The following ARHGEF18 variants were observed in gnomAD, a reference collection of about 807,000 sequenced individuals.
The protein encoded by ARHGEF18 is rho guanine nucleotide exchange factor 18.
Under a neutral mutation model 155.7 loss-of-function variants are expected in ARHGEF18, and 93 were observed. That is an observed-to-expected ratio of 0.60 (90% CI 0.50 to 0.71). The LOEUF (loss-of-function observed/expected upper bound fraction) is 0.71. ARHGEF18 is among the 30% of genes least tolerant of loss of function. The pLI is 0.00. For synonymous variants in ARHGEF18, 742 were observed against 753.1 expected (o/e 0.99, Z 0.24); for missense variants, 1,593 against 1,816.1 (o/e 0.88, Z 2.23).
chr19:7,441,494 T>C (rs1974640214), intron 11 of ARHGEF18, among the ~76,000 whole-genome samples, 159 bp from the exon 12 acceptor site: 1 of 152,170 alleles, frequency 6.6e-6, no homozygotes, highest in East Asian at 1.9e-4. Context: ...TCCCAATTTT[T>C]AAAAATGATC....
chr19:7,466,504 C>CA (rs34455146), intron 23 of ARHGEF18, among the ~76,000 whole-genome samples: 2,399 of 122,152 alleles, frequency 0.02, 19 homozygotes, highest in African/African-American at 0.033. Flanking sequence ...GGCCCTGTCT[C>CA]AAAAAAAAAA....
intron 10 of ARHGEF18, among the ~76,000 whole-genome samples, chr19:7,398,211 A>G (rs1339665411): frequency 6.6e-6 from 1 of 151,988 alleles, no homozygotes; most frequent in African/African-American, 2.4e-5. Context: ...CTGGGATTAC[A>G]GGTGTGTGCC....
At chr19:7,443,440 A>T (rs919980081) in intron 13 of ARHGEF18, among the ~76,000 whole-genome samples, 17 of 151,936 alleles carry the variant, frequency 1.1e-4, no homozygotes, top group Admixed American at 2.0e-4. Flanking sequence ...ACCTCATGTG[A>T]TCTGCTCACC....
chr19:7,427,226 G>T (rs903321822), intron 10 of ARHGEF18, among the ~76,000 whole-genome samples: 1 of 152,198 alleles, frequency 6.6e-6, no homozygotes, highest in Non-Finnish European at 1.5e-5. Context: ...TCTCACTGAG[G>T]TCAAATGTTG....
chr19:7,392,134 G>T (rs968637187), intron 10 of ARHGEF18, among the ~76,000 whole-genome samples: 1 of 150,978 alleles, frequency 6.6e-6, no homozygotes, highest in Non-Finnish European at 1.5e-5. Flanking sequence ...CCAGCTACTC[G>T]GGAGGCTGAG....
In ARHGEF18 at chr19:7,439,641, A is replaced by T. The variant is rs558880856; in HGVS notation, c.968-703A>T. 7 of 1,113,978 alleles carry T rather than the reference A, an allele frequency of 6.3e-6. No individual in the cohort carries two copies. The South Asian group carries it at 1.3e-4, about 20-fold the overall frequency. The allele number at this position is 1,113,978 out of a possible 1,614,324, so 69.0% of individuals were successfully genotyped here. A position where few individuals can be genotyped will look rare whatever the true frequency, so the allele number is the denominator to read the frequency against. ...GGAACAGAATCGGAGCCTCGCGTCC[A>T]CTTCGATGCTAGAATTCTGTTCGAG... On this transcript the variant is annotated intron_variant, in intron 10 of 28. Coordinates refer to ENST00000668164, the MANE Select transcript of ARHGEF18 (RefSeq NM_001367823.1).
intron 23 of ARHGEF18, among the ~76,000 whole-genome samples, chr19:7,465,967 C>A (rs1369391811): frequency 1.3e-5 from 2 of 151,976 alleles, no homozygotes; most frequent in Admixed American, 6.6e-5. Context: ...ACCTGTAATC[C>A]CAGCTACTCA....
At chr19:7,415,158 A>T (rs376616159) in intron 10 of ARHGEF18, among the ~76,000 whole-genome samples, 15 of 152,278 alleles carry the variant, frequency 9.9e-5, no homozygotes, top group East Asian at 9.6e-4. Context: ...CCTTAGTTCC[A>T]TCCCTTATCC....
rs550345618 is a variant in ARHGEF18 at position 7,427,645 on chromosome 19, TA to T, written c.968-12684del. On this transcript the variant is annotated intron_variant, in intron 10 of 28. Coordinates refer to ENST00000668164, the MANE Select transcript of ARHGEF18 (RefSeq NM_001367823.1). ...GGATGACAGAGGGAGACCCTGTCTC[TA>T]AAAAAAAAAAAAAAGAAGGCCGGGC... Among the ~76,000 whole-genome samples, 824 of 105,440 alleles carry T rather than the reference TA, an allele frequency of 7.8e-3. 1 individual carries two copies. The highest frequency in any genetic ancestry group is 0.029 in the Middle Eastern group (4 of 138). 69.2% of individuals were successfully genotyped at this position (105,440 alleles called of 152,430 possible).
Position 7,454,476 on chromosome 19 carries a change from G to A in ARHGEF18, c.2104+761G>A, listed in dbSNP as rs143427483. ...CATTTTGATTGGTGGGTGCCATCTC[G>A]GACTGGTGGCATGGTCTTGGGAGTG... On this transcript the variant is annotated intron_variant, in intron 17 of 28. Coordinates refer to ENST00000668164, the MANE Select transcript of ARHGEF18 (RefSeq NM_001367823.1). Among the ~76,000 whole-genome samples, 47 of 151,830 alleles carry A rather than the reference G, an allele frequency of 3.1e-4. No individual in the cohort carries two copies. The East Asian group carries it at 5.6e-3, about 18-fold the overall frequency.
intron 10 of ARHGEF18, among the ~76,000 whole-genome samples, chr19:7,424,119 C>T (rs34145699): frequency 0.3 from 46,000 of 151,804 alleles, 7,451 homozygotes; most frequent in Middle Eastern, 0.54. Flanking sequence ...CTCCACCTCC[C>T]GGGTTCAAGC....
chr19:7,367,758 A>AAATATATAT (rs377535487), intron 2 of ARHGEF18, among the ~76,000 whole-genome samples: 1 of 74,114 alleles, frequency 1.3e-5, no homozygotes, highest in Non-Finnish European at 2.4e-5. Flanking sequence ...AAAAAAAAAA[A>AAATATATAT]ATATATATAT....
intron 2 of ARHGEF18, among the ~76,000 whole-genome samples, chr19:7,369,415 C>G (rs57845540): frequency 4.8e-5 from 7 of 147,242 alleles, no homozygotes; most frequent in Non-Finnish European, 7.5e-5. Context: ...GAGCTGAGAT[C>G]GGGCCATTGC....
Position 7,471,050 on chromosome 19 carries a change from G to C in ARHGEF18, c.*752G>C, listed in dbSNP as rs952637878. The C allele has an allele frequency of 1.1e-5, 4 of 373,198 alleles. No individual in the cohort carries two copies. Among genetic ancestry groups the C allele is most frequent in the Non-Finnish European group, 1.9e-5 (4 of 210,418 alleles). The allele number at this position is 373,198 out of a possible 1,614,324, so 23.1% of individuals were successfully genotyped here. On this transcript the variant is annotated 3_prime_UTR_variant, in exon 29 of 29. Transcript: ENST00000668164. The surrounding 1 kb of genome is among the most constrained non-coding windows in gnomAD (Gnocchi z 4.4). Reference sequence around the variant, plus strand: ...TGAAACCAGCTGTTTCCCAAACTCTGCTTCCCAAGGGCAACCGTTGCTGTT... The same window carrying C: ...TGAAACCAGCTGTTTCCCAAACTCTCCTTCCCAAGGGCAACCGTTGCTGTT...
At chr19:7,407,252 C>T (rs1972372613) in intron 10 of ARHGEF18, among the ~76,000 whole-genome samples, 1 of 145,554 alleles carries the variant, frequency 6.9e-6, no homozygotes. Flanking sequence ...TGGTGAAAAC[C>T]CCGTCTCTAC....
intron 10 of ARHGEF18, among the ~76,000 whole-genome samples, chr19:7,388,390 G>T (rs572944914): frequency 4.0e-5 from 6 of 151,604 alleles, no homozygotes; most frequent in African/African-American, 1.2e-4. Flanking sequence ...TACTGAGCCC[G>T]GTCTGTAAGT....
At chr19:7,450,335 A>G (rs796343766) in intron 15 of ARHGEF18, among the ~76,000 whole-genome samples, 12 of 482 alleles carry the variant, frequency 0.025, no homozygotes, top group Non-Finnish European at 0.048. Context: ...CTTGCTGTCC[A>G]TTTCCAAGAT....
intron 10 of ARHGEF18, among the ~76,000 whole-genome samples, chr19:7,392,018 A>G (rs555196780): frequency 1.3e-5 from 2 of 152,186 alleles, no homozygotes; most frequent in Non-Finnish European, 2.9e-5. Context: ...AGGCAGGCAG[A>G]TCACCTAAGG....
Position 7,440,139 on chromosome 19 carries a change from A to AG in ARHGEF18, c.968-204dup. ...GCACTCCAAAAGCGGGGACAGGCACAGCGCGCTCCCCGGCCGCCCCGAGCT... is the reference window on the plus strand; with the variant it reads ...GCACTCCAAAAGCGGGGACAGGCACAGGCGCGCTCCCCGGCCGCCCCGAGCT... On this transcript the variant is annotated intron_variant, in intron 10 of 28. Coordinates refer to ENST00000668164, the MANE Select transcript of ARHGEF18 (RefSeq NM_001367823.1). The surrounding 1 kb of genome is among the most constrained non-coding windows in gnomAD (Gnocchi z 5.4). 1 of 1,551,168 alleles carries AG rather than the reference A, an allele frequency of 6.4e-7. No individual in the cohort carries two copies. Among genetic ancestry groups the AG allele is most frequent in the Non-Finnish European group, 8.7e-7 (1 of 1,146,914 alleles).
Sources: allele counts gnomAD v4.1 joint callset (sites outside exome capture counted in the v4.1 genomes callset), GRCh38; gene constraint gnomAD v4.1.1; non-coding constraint Gnocchi (gnomAD v3.1); transcripts MANE v1.5; gene names NCBI Gene and HGNC (gene_info 2026-07-23, HGNC 2026-07-21).